The following PITPNC1 variants were observed in gnomAD, a reference collection of about 807,000 sequenced individuals.
The protein encoded by PITPNC1 is cytoplasmic phosphatidylinositol transfer protein 1.
In PITPNC1, 18 loss-of-function variants were observed where a neutral mutation model predicts 44.7. The ratio of observed to expected loss-of-function variants is 0.40; its 90% CI spans 0.28 to 0.60. PITPNC1 has a LOEUF of 0.60. Among genes scored for constraint, PITPNC1 ranks in the 20% least tolerant of loss-of-function variants. The pLI, the probability that PITPNC1 is intolerant of heterozygous loss-of-function variation, is 0.39. For missense variants in PITPNC1, 290 were observed against 418.4 expected (o/e 0.69, Z 2.68); for synonymous variants, 141 against 149.6 (o/e 0.94, Z 0.42).
At chr17:67,558,704 G>A (rs928917124) in intron 4 of PITPNC1, among the ~76,000 whole-genome samples, 2 of 152,130 alleles carry the variant, frequency 1.3e-5, no homozygotes, top group Non-Finnish European at 2.9e-5. Flanking sequence ...AGGAGAAATG[G>A]GATGCACCTT....
chr17:67,576,731 AG>A (rs1216166780), intron 4 of PITPNC1, among the ~76,000 whole-genome samples: 5 of 152,186 alleles, frequency 3.3e-5, no homozygotes, highest in African/African-American at 1.2e-4. Flanking sequence ...CTGGGGCTGT[AG>A]GGCTGGGTTG....
chr17:67,549,572 A>T (rs1031995422), intron 2 of PITPNC1, among the ~76,000 whole-genome samples: 1 of 152,190 alleles, frequency 6.6e-6, no homozygotes, highest in Admixed American at 6.5e-5. Flanking sequence ...CTCGACTTGG[A>T]TGGAAAATTG....
intron 1 of PITPNC1, among the ~76,000 whole-genome samples, chr17:67,431,510 G>C (rs1226366572): frequency 6.6e-6 from 1 of 152,164 alleles, no homozygotes; most frequent in African/African-American, 2.4e-5. Context: ...TTCCTTGATA[G>C]TACAATGAGT....
chr17:67,515,989 T>C (rs746479540), intron 1 of PITPNC1, among the ~76,000 whole-genome samples: 1 of 152,194 alleles, frequency 6.6e-6, no homozygotes, highest in Non-Finnish European at 1.5e-5. Flanking sequence ...CTTCCTTTCA[T>C]GGTTGTGTGC....
intron 8 of PITPNC1, among the ~76,000 whole-genome samples, chr17:67,688,736 C>T (rs1015324855): frequency 6.6e-6 from 1 of 152,168 alleles, no homozygotes; most frequent in African/African-American, 2.4e-5. Context: ...AGTTCCCCCT[C>T]AGCCACTCTG....
Position 67,410,354 on chromosome 17 carries a change from A to C in PITPNC1, c.48+32152A>C, listed in dbSNP as rs2038476043. On this transcript the variant is annotated intron_variant, in intron 1 of 8. Coordinates refer to ENST00000581322, the MANE Select transcript of PITPNC1 (RefSeq NM_012417.4). ...ATTTTAAAATATTAATGTGGACCTT[A>C]AACAGGTCTTTGGCTGGTTGAGGTA... is the stretch of plus-strand genomic sequence containing the variant. Among the ~76,000 whole-genome samples the C allele has an allele frequency of 2.6e-5, 4 of 152,176 alleles. No homozygotes were observed. The South Asian group carries it at 8.3e-4, about 32-fold the overall frequency.
At position 67,632,124 on chromosome 17, in the gene PITPNC1, T is replaced by A; in HGVS notation, c.367-19T>A. ...CACCTGCTATCACTAACCTTTGATA[T>A]GTTGCTCTGCTTTTTCAGATTTTCG... On this transcript the variant is annotated intron_variant, in intron 5 of 8. Coordinates refer to ENST00000581322, the MANE Select transcript of PITPNC1 (RefSeq NM_012417.4). 1 of 1,539,036 alleles carries A rather than the reference T, an allele frequency of 6.5e-7. No individual in the cohort carries two copies. Among genetic ancestry groups the A allele is most frequent in the Non-Finnish European group, 9.0e-7 (1 of 1,111,540 alleles).
chr17:67,649,998 A>C, intron 6 of PITPNC1, among the ~76,000 whole-genome samples: 1 of 151,252 alleles, frequency 6.6e-6, no homozygotes, highest in Non-Finnish European at 1.5e-5. Flanking sequence ...CAATCCCAGC[A>C]CCCCCTCCCT....
chr17:67,687,725 G>A lies in PITPNC1; in HGVS notation c.683-4847G>A, dbSNP rs541761509. On this transcript the variant is annotated intron_variant, in intron 8 of 8. Coordinates refer to ENST00000581322, the MANE Select transcript of PITPNC1 (RefSeq NM_012417.4). The stretch of plus-strand genomic sequence containing the variant: ...TCTGTGCAGACACACAGGCTGAGCA[G>A]TGAAGGGGTGTGAGCTGGGGATGTG... Among the ~76,000 whole-genome samples the A allele has an allele frequency of 1.2e-4, 18 of 152,304 alleles. No individual in the cohort carries two copies. In the South Asian group the frequency reaches 3.3e-3, roughly 28 times the overall value.
chr17:67,408,677 TCTTCCTTC>T (rs71139143), intron 1 of PITPNC1: 18,728 of 78,996 alleles, frequency 0.24, 1,709 homozygotes, highest in East Asian at 0.35. Flanking sequence ...GCTTTCTCTT[TCTTCCTTC>T]CTTCCTTCCT....
intron 5 of PITPNC1, among the ~76,000 whole-genome samples, chr17:67,581,862 G>A (rs1407735512): frequency 1.3e-5 from 2 of 152,076 alleles, no homozygotes; most frequent in Admixed American, 6.6e-5. Context: ...GCGAAACCTC[G>A]TCTCTACTAA....
intron 1 of PITPNC1, among the ~76,000 whole-genome samples, chr17:67,461,281 A>G (rs1052588707): frequency 4.6e-5 from 7 of 152,244 alleles, no homozygotes; most frequent in African/African-American, 1.2e-4. Flanking sequence ...AAATGCTTCT[A>G]TAAAATGCTT....
chr17:67,583,897 TTG>T (rs140251630), intron 5 of PITPNC1, among the ~76,000 whole-genome samples: 5 of 106,466 alleles, frequency 4.7e-5, no homozygotes, highest in Admixed American at 9.1e-5. Flanking sequence ...GTGTGTGTGT[TTG>T]TGTGTGTGTG....
chr17:67,620,559 G>C (rs1323686016), intron 5 of PITPNC1, among the ~76,000 whole-genome samples: 1 of 152,174 alleles, frequency 6.6e-6, no homozygotes, highest in Non-Finnish European at 1.5e-5. Context: ...ACTGGGGACA[G>C]AATTTTCTCA....
At chr17:67,425,941 A>G (rs183350752) in intron 1 of PITPNC1, among the ~76,000 whole-genome samples, 3 of 152,324 alleles carry the variant, frequency 2.0e-5, no homozygotes, top group East Asian at 3.9e-4. Flanking sequence ...ACCATAGACA[A>G]TAGGGTCAAG....
chr17:67,563,280 G>A (rs773657980), intron 4 of PITPNC1, among the ~76,000 whole-genome samples: 3 of 152,204 alleles, frequency 2.0e-5, no homozygotes, highest in Non-Finnish European at 2.9e-5. Context: ...AGTCTGTATA[G>A]AGTTTCGTGC....
rs759453126 is a variant in PITPNC1, at chr17:67,578,233, G to A, written c.342G>A (p.Glu114=). The A allele has an allele frequency of 6.2e-6, 10 of 1,612,558 alleles. No individual in the cohort carries two copies. The Admixed American group carries it at 1.5e-4, about 24-fold the overall frequency. ...KFSIHIETKY[E]DNKGSNDTIF... is the part of the protein sequence containing the mutation. Reference sequence around the variant, plus strand: ...CCATTCATATAGAAACCAAGTATGAGGACAACAAAGGAAGCAATGACACCG... The same window carrying A: ...CCATTCATATAGAAACCAAGTATGAAGACAACAAAGGAAGCAATGACACCG... The change falls in exon 5 of 9, where the codon GAG becomes GAA. Residue 114 remains glutamate, a synonymous_variant. Coordinates refer to ENST00000581322, the MANE Select transcript of PITPNC1 (RefSeq NM_012417.4).
chr17:67,631,647 A>AT (rs1172723407), intron 5 of PITPNC1, among the ~76,000 whole-genome samples: 10 of 8,818 alleles, frequency 1.1e-3, no homozygotes, highest in East Asian at 5.3e-3. Context: ...AAAAAAAAAA[A>AT]AAAAAAAAAA....
intron 2 of PITPNC1, among the ~76,000 whole-genome samples, chr17:67,546,849 A>G (rs549471100): frequency 2.6e-5 from 4 of 152,330 alleles, no homozygotes; most frequent in Admixed American, 1.3e-4. Flanking sequence ...CCCTACTGCC[A>G]TATAAACAAT....
Sources: allele counts gnomAD v4.1 joint callset (sites outside exome capture counted in the v4.1 genomes callset), GRCh38; gene constraint gnomAD v4.1.1; transcripts MANE v1.5; gene names NCBI Gene and HGNC (gene_info 2026-07-23, HGNC 2026-07-21).